The following MTMR3 variants were observed in gnomAD, a reference collection of about 807,000 sequenced individuals.
MTMR3 encodes the protein phosphatidylinositol-3,5-bisphosphate 3-phosphatase MTMR3.
In MTMR3, 32 loss-of-function variants were observed where a neutral mutation model predicts 132.4. The observed-to-expected ratio is 0.24, with a 90% CI of 0.18 to 0.32. The LOEUF is 0.32. Among genes scored for constraint, MTMR3 ranks in the 10% least tolerant of loss-of-function variants. The pLI is 1.00. For synonymous variants in MTMR3, 556 were observed against 550.3 expected, an observed-to-expected ratio of 1.01 and a Z score of -0.14; for missense variants, 1,216 against 1,489.6, an observed-to-expected ratio of 0.82 and a Z score of 3.02.
chr22:30,026,595 C>G lies in MTMR3; in HGVS notation c.*794C>G, dbSNP rs933744976. On this transcript the variant is annotated 3_prime_UTR_variant, in exon 20 of 20. Coordinates refer to ENST00000401950, the MANE Select transcript of MTMR3 (RefSeq NM_021090.4). The stretch of plus-strand genomic sequence containing the variant: ...TCCTGGGCCAGGCTGTGTAGCACTT[C>G]CCACCCTCAGGCATGAGTACAGACT... 4 of 152,776 alleles carry G rather than the reference C, an allele frequency of 2.6e-5. No homozygotes were observed. The highest frequency in any genetic ancestry group is 4.8e-5 in the African/African-American group (2 of 41,456). The allele number at this position is 152,776 out of a possible 1,614,324, so 9.5% of individuals were successfully genotyped here.
At chr22:29,967,404 T>C (rs1343743159) in intron 2 of MTMR3, among the ~76,000 whole-genome samples, 2 of 151,650 alleles carry the variant, frequency 1.3e-5, no homozygotes, top group African/African-American at 4.8e-5. Flanking sequence ...CCTAATTTTT[T>C]TTTTTTTTCA....
At chr22:29,969,230 A>AT (rs1459114328) in intron 2 of MTMR3, among the ~76,000 whole-genome samples, 1 of 152,120 alleles carries the variant, frequency 6.6e-6, no homozygotes, top group Admixed American at 6.6e-5. Context: ...AGAAGAATAG[A>AT]TTTTTCTTAC....
At chr22:29,942,073 C>G (rs889302920) in intron 1 of MTMR3, among the ~76,000 whole-genome samples, 5 of 152,084 alleles carry the variant, frequency 3.3e-5, no homozygotes, top group African/African-American at 7.2e-5. Flanking sequence ...ACACCTTGGT[C>G]CACATGATGT....
chr22:29,927,240 T>G (rs2145781529), intron 1 of MTMR3, among the ~76,000 whole-genome samples: 1 of 152,328 alleles, frequency 6.6e-6, no homozygotes, highest in African/African-American at 2.4e-5. Flanking sequence ...AGTACCACAT[T>G]TTCTTGATAA....
chr22:29,973,547 G>A (rs1260832224), intron 3 of MTMR3, among the ~76,000 whole-genome samples: 3 of 152,186 alleles, frequency 2.0e-5, no homozygotes, highest in Admixed American at 6.5e-5. Flanking sequence ...ACGAACACTA[G>A]ATATGAATTC....
chr22:30,023,715 G>A (rs1270176630), intron 19 of MTMR3: 10 of 546,752 alleles, frequency 1.8e-5, no homozygotes, highest in East Asian at 6.2e-5. Flanking sequence ...CAGCCAGGCC[G>A]TCTTGCTTGT....
chr22:29,988,607 A>AT, intron 6 of MTMR3, 45 bp downstream of exon 6: 3 of 1,447,774 alleles, frequency 2.1e-6, no homozygotes, highest in Non-Finnish European at 2.9e-6. Context: ...TGTGGAAAAT[A>AT]TTTTTTAAAG....
intron 1 of MTMR3, among the ~76,000 whole-genome samples, chr22:29,950,367 A>AT (rs959584554): frequency 5.9e-4 from 89 of 151,144 alleles, no homozygotes; most frequent in Non-Finnish European, 9.7e-4. Context: ...TTTTTTATTT[A>AT]TTTTTTTATT....
chr22:29,915,476 CAG>C (rs2065291137), intron 1 of MTMR3, among the ~76,000 whole-genome samples: 1 of 152,160 alleles, frequency 6.6e-6, no homozygotes, highest in African/African-American at 2.4e-5. Context: ...GGCTGGAGTG[CAG>C]TGATGCCATC....
intron 2 of MTMR3, among the ~76,000 whole-genome samples, chr22:29,968,560 A>G (rs2066474481): frequency 6.6e-6 from 1 of 152,114 alleles, no homozygotes; most frequent in Non-Finnish European, 1.5e-5. Flanking sequence ...CTTTTTGCAC[A>G]TCTTTACCTT....
In MTMR3 at chr22:30,022,045, C is replaced by G. The variant is rs766784267; in HGVS notation, c.3242C>G (p.Ser1081Trp). The change falls in exon 18 of 20, where the codon TCG becomes TGG. Residue 1081 changes from serine (S) to tryptophan (W), a missense_variant. Coordinates refer to ENST00000401950, the MANE Select transcript of MTMR3 (RefSeq NM_021090.4). ...FGDEVTSIPD[S>W]ESNLDQNCLS... ...TGCCAACAGACTTCAATCCCCGACT[C>G]GGAAAGCAATCTGGATCAGAACTGT... The G allele has an allele frequency of 1.9e-6, 3 of 1,614,116 alleles. No individual in the cohort carries two copies. Among genetic ancestry groups the G allele is most frequent in the Non-Finnish European group, 2.5e-6 (3 of 1,179,966 alleles).
intron 15 of MTMR3, chr22:30,016,975 A>G (rs1283012440): frequency 2.9e-6 from 1 of 347,116 alleles, no homozygotes. Flanking sequence ...CACTGCCTCC[A>G]GAGCTTATTT....
chr22:29,988,454 A>G (rs954827650), intron 5 of MTMR3, 26 bp from the exon 6 acceptor site: 1 of 1,569,450 alleles, frequency 6.4e-7, no homozygotes, highest in African/African-American at 1.4e-5. Context: ...TTTGACTAAG[A>G]GGACTTCATT....
chr22:29,950,624 A>G (rs921247063), intron 1 of MTMR3, among the ~76,000 whole-genome samples: 2 of 152,194 alleles, frequency 1.3e-5, no homozygotes, highest in Admixed American at 6.5e-5. Context: ...AGCCTCCCAG[A>G]GTACTGGGAT....
chr22:30,015,567 A>G (rs564952988), intron 14 of MTMR3: 11 of 141,156 alleles, frequency 7.8e-5, no homozygotes, highest in East Asian at 2.1e-4. Context: ...TGCTTTCGCA[A>G]TCTATCTAAA....
intron 12 of MTMR3, chr22:30,010,016 G>A (rs776818643): frequency 1.3e-5 from 2 of 152,192 alleles, no homozygotes; most frequent in Non-Finnish European, 2.9e-5. Context: ...TAAATTCACC[G>A]TAGTTGTCAT....
chr22:29,915,308 A>AT (rs1264780319), intron 1 of MTMR3, among the ~76,000 whole-genome samples: 2 of 152,056 alleles, frequency 1.3e-5, no homozygotes, highest in East Asian at 1.9e-4. Context: ...TATTTGCATA[A>AT]TTTTTTCCCA....
At chr22:29,896,867 TCTCACA>T (rs1258301681) in intron 1 of MTMR3, among the ~76,000 whole-genome samples, 1 of 36,676 alleles carries the variant, frequency 2.7e-5, no homozygotes, top group Admixed American at 3.4e-4. Context: ...AACAGGCTTG[TCTCACA>T]CACACACACA....
chr22:29,998,782 T>G lies in MTMR3; in HGVS notation c.482T>G (p.Phe161Cys), dbSNP rs1257316882. ...CRPGEHVTSRFKNEVERMGFD... is the reference protein window; with the variant it reads ...CRPGEHVTSRCKNEVERMGFD... Reference sequence around the variant, plus strand: ...CTAGGGGAGCATGTAACTTCAAGGTTTAAAAACGAGGTGGAGAGGATGGGT... The same window carrying G: ...CTAGGGGAGCATGTAACTTCAAGGTGTAAAAACGAGGTGGAGAGGATGGGT... The change falls in exon 8 of 20, where the codon TTT (phenylalanine) becomes TGT (cysteine). Residue 161 changes from phenylalanine to cysteine, a missense_variant. Phe to Cys is a radical substitution (Grantham distance 205, BLOSUM62 -2). Around this residue, in one of 7 missense-constraint regions of MTMR3, gnomAD observed 129 missense variants for 245.7 expected, o/e 0.53. Transcript: ENST00000401950. The G allele has an allele frequency of 6.2e-7, 1 of 1,613,080 alleles. No homozygotes were observed. The highest frequency in any genetic ancestry group is 2.2e-5 in the East Asian group (1 of 44,812).
Sources: allele counts gnomAD v4.1 joint callset (sites outside exome capture counted in the v4.1 genomes callset), GRCh38; gene constraint gnomAD v4.1.1; regional missense constraint gnomAD v4.1.1; transcripts MANE v1.5; gene names NCBI Gene and HGNC (gene_info 2026-07-23, HGNC 2026-07-21).